MARCHF8: variants seen among roughly 807,000 people sequenced by gnomAD.
MARCHF8 encodes membrane associated ring-CH-type finger 8, also known as E3 ubiquitin-protein ligase MARCHF8.
A neutral mutation model predicts 51.6 loss-of-function variants in MARCHF8; 40 were observed. That is an observed-to-expected ratio of 0.77 (90% confidence interval 0.60 to 1.01). The LOEUF is 1.01. Among genes scored for constraint, MARCHF8 ranks in the 50% least tolerant of loss-of-function variants. MARCHF8 has a pLI of 0.00. For synonymous variants in MARCHF8, 263 were observed against 280.3 expected (o/e 0.94, Z 0.62); for missense variants, 685 against 708.6 (o/e 0.97, Z 0.38).
At chr10:45,473,658 C>T (rs1251868252) in intron 3 of MARCHF8, among the ~76,000 whole-genome samples, 1 of 152,204 alleles carries the variant, frequency 6.6e-6, no homozygotes, top group African/African-American at 2.4e-5. Flanking sequence ...TAGGCCAATT[C>T]CTGGTATTAA....
chr10:45,509,085 G>A lies in MARCHF8; in HGVS notation c.103-19668C>T, dbSNP rs1453358009. The stretch of plus-strand genomic sequence containing the variant: ...TCAGAACCCCATGGAAAAGGGCTAT[G>A]CCAGGTACTTTGGGGCACAGGCTTC... On this transcript the variant is annotated intron_variant, in intron 2 of 7. Coordinates refer to ENST00000453424, the MANE Select transcript of MARCHF8 (RefSeq NM_001282866.2). Among the ~76,000 whole-genome samples the A allele has an allele frequency of 2.0e-5, 3 of 152,198 alleles. No individual in the cohort carries two copies. In the East Asian group the frequency reaches 5.8e-4, roughly 29 times the overall value.
chr10:45,546,959 G>C (rs1031395790), intron 1 of MARCHF8, among the ~76,000 whole-genome samples: 6 of 152,066 alleles, frequency 3.9e-5, no homozygotes, highest in Non-Finnish European at 8.8e-5. Context: ...GCAGTGGCTT[G>C]TATCTGTAGT....
At chr10:45,560,553 T>G (rs1293131231) in intron 1 of MARCHF8, among the ~76,000 whole-genome samples, 1 of 152,198 alleles carries the variant, frequency 6.6e-6, no homozygotes, top group African/African-American at 2.4e-5. Context: ...CAGTGCCAGC[T>G]TGTCAAGGCC....
chr10:45,529,955 G>A (rs917629499), intron 2 of MARCHF8, among the ~76,000 whole-genome samples: 2 of 152,184 alleles, frequency 1.3e-5, no homozygotes, highest in African/African-American at 4.8e-5. Context: ...CAAAGGGAAA[G>A]AAATCATTAT....
At position 45,469,640 on chromosome 10, in the gene MARCHF8, C is replaced by T. The variant is rs568586197; in HGVS notation, c.154-5313G>A. On this transcript the variant is annotated intron_variant, in intron 3 of 7. Transcript: ENST00000453424. The stretch of plus-strand genomic sequence containing the variant: ...CAGCACTTTGGGGGGCCGAGGCGGG[C>T]GGATCACGAGGTCAGGAGATCGAGA... Among the ~76,000 whole-genome samples, 11 of 151,928 alleles carry T rather than the reference C, an allele frequency of 7.2e-5. No homozygotes were observed. In the East Asian group the frequency reaches 7.8e-4, roughly 11 times the overall value.
chr10:45,524,440 A>G (rs1304012379), intron 2 of MARCHF8, among the ~76,000 whole-genome samples: 3 of 152,236 alleles, frequency 2.0e-5, no homozygotes, highest in Non-Finnish European at 4.4e-5. Flanking sequence ...TGACAAAGAA[A>G]TTCTGGTTTC....
intron 1 of MARCHF8, among the ~76,000 whole-genome samples, chr10:45,562,658 G>T (rs2044323218): frequency 6.6e-6 from 1 of 151,894 alleles, no homozygotes; most frequent in Non-Finnish European, 1.5e-5. Flanking sequence ...TTAAAAAAAA[G>T]AAACTTCAAA....
intron 2 of MARCHF8, among the ~76,000 whole-genome samples, chr10:45,525,964 T>A (rs759496331): frequency 6.6e-6 from 1 of 152,132 alleles, no homozygotes; most frequent in Non-Finnish European, 1.5e-5. Flanking sequence ...AGAGATGAGA[T>A]CCTGGAACAC....
intron 1 of MARCHF8, among the ~76,000 whole-genome samples, chr10:45,578,862 G>A (rs1480594781): frequency 2.0e-5 from 3 of 152,144 alleles, no homozygotes; most frequent in Non-Finnish European, 4.4e-5. Flanking sequence ...AAAAATAACT[G>A]ATCTGTACTC....
Position 45,463,883 on chromosome 10 carries a change from A to G in MARCHF8, c.356T>C (p.Ile119Thr), listed in dbSNP as rs779676644. The stretch of plus-strand genomic sequence containing the variant: ...TGACGCCTGTAATGTGTCCTTACAG[A>G]TAACTGTCACAGTGAGCCCTTGTGT... ...SLTQGLTVTV[I>T]CKDTLQASKR... Residue 119 changes from isoleucine (I) to threonine (T), a missense_variant, in exon 5 of 8, where the codon ATC (isoleucine) becomes ACC (threonine). Physicochemically the swap from Ile to Thr is moderately conservative, Grantham distance 89 (BLOSUM62 -1). Coordinates refer to ENST00000453424, the MANE Select transcript of MARCHF8 (RefSeq NM_001282866.2). The G allele has an allele frequency of 3.1e-5, 47 of 1,537,384 alleles. No individual in the cohort carries two copies. In the South Asian group the frequency reaches 3.3e-4, roughly 11 times the overall value.
chr10:45,521,060 AT>A (rs2043697884), intron 2 of MARCHF8, among the ~76,000 whole-genome samples: 1 of 151,852 alleles, frequency 6.6e-6, no homozygotes, highest in Non-Finnish European at 1.5e-5. Context: ...ATTACGTTAC[AT>A]TTTTTAGAAA....
At position 45,489,416 on chromosome 10, in the gene MARCHF8, T is replaced by C. The variant is rs1315369646; in HGVS notation, c.104A>G (p.Asn35Ser). The C allele has an allele frequency of 6.2e-7, 1 of 1,611,446 alleles. No homozygotes were observed. The highest frequency in any genetic ancestry group is 8.5e-7 in the Non-Finnish European group (1 of 1,178,868). Residue 35 changes from asparagine (N) to serine (S), a missense_variant and splice_region_variant, in exon 3 of 8, where the codon AAT (asparagine) becomes AGT (serine). Asn to Ser is a conservative substitution (Grantham distance 46, BLOSUM62 1). Transcript: ENST00000453424. ...KTKEKEREEQ[N>S]EKTLGHFMSH... ...CATGAAATGTCCCAAAGTCTTCTCA[T>C]TCTGCAAGAAAATCAAACAGGTTTT...
At chr10:45,491,509 A>T (rs140493052) in intron 2 of MARCHF8, among the ~76,000 whole-genome samples, 1 of 152,326 alleles carries the variant, frequency 6.6e-6, no homozygotes, top group East Asian at 1.9e-4. Flanking sequence ...ACTGCACTGC[A>T]TTCCAGCCTG....
intron 1 of MARCHF8, among the ~76,000 whole-genome samples, chr10:45,561,939 A>C (rs138321682): frequency 0.025 from 3,809 of 151,832 alleles, 96 homozygotes; most frequent in Non-Finnish European, 0.039. Flanking sequence ...TAAAATGAGC[A>C]AACAACAAAG....
chr10:45,463,612 AG>A lies in MARCHF8; in HGVS notation c.626del (p.Pro209LeufsTer61). The A allele has an allele frequency of 6.4e-7, 1 of 1,550,630 alleles. No individual in the cohort carries two copies. The highest frequency in any genetic ancestry group is 1.2e-5 in the South Asian group (1 of 84,066). ...HKEKRTLNHK[P>X]LGNSKHSCVS... ...CACAAGAATGTTTGGAATTGCCAAG[AG>A]GTTTGTGGTTCAGGGTTCTTTTTTC... On this transcript the variant is annotated frameshift_variant, in exon 5 of 8. Coordinates refer to ENST00000453424, the MANE Select transcript of MARCHF8 (RefSeq NM_001282866.2). LOFTEE classifies it high-confidence loss of function.
At chr10:45,544,895 T>TC (rs2044100866) in intron 1 of MARCHF8, among the ~76,000 whole-genome samples, 1 of 152,168 alleles carries the variant, frequency 6.6e-6, no homozygotes, top group African/African-American at 2.4e-5. Flanking sequence ...ATGTTATCTA[T>TC]CCCACCTCAT....
Position 45,463,562 on chromosome 10 carries a change from G to T in MARCHF8, c.677C>A (p.Ser226Ter). Reference sequence around the variant, plus strand: ...GCCAGCTTCCACCTCTGAGGCAGTTGAGCGACCGGCAGAAAGGCATGAAAC... The same window carrying T: ...GCCAGCTTCCACCTCTGAGGCAGTTTAGCGACCGGCAGAAAGGCATGAAAC... ...SCVSCLSAGR[S>*]TASEVEAGKG... is the part of the protein sequence containing the mutation. Residue 226 changes from serine to a stop codon, truncating the protein, a stop_gained, in exon 5 of 8, where the codon TCA becomes TAA. Transcript: ENST00000453424. LOFTEE classifies it high-confidence loss of function. 1.3e-6 allele frequency: 2 copies of T among 1,550,670 alleles called. No individual in the cohort carries two copies. The highest frequency in any genetic ancestry group is 1.7e-6 in the Non-Finnish European group (2 of 1,147,020).
intron 1 of MARCHF8, among the ~76,000 whole-genome samples, chr10:45,590,877 T>C (rs1279808138): frequency 3.3e-5 from 5 of 152,170 alleles, no homozygotes; most frequent in Admixed American, 6.5e-5. Context: ...GACCTGCACT[T>C]ATACATCCAG....
At chr10:45,540,219 C>T (rs2044030972), upstream of MARCHF8, among the ~76,000 whole-genome samples, 1 of 152,238 alleles carries the variant, frequency 6.6e-6, no homozygotes, top group East Asian at 1.9e-4. Flanking sequence ...TCATATGGAA[C>T]CAAAAAAGAG....
Sources: allele counts gnomAD v4.1 joint callset (sites outside exome capture counted in the v4.1 genomes callset), GRCh38; gene constraint gnomAD v4.1.1; transcripts MANE v1.5; gene names NCBI Gene and HGNC (gene_info 2026-07-23, HGNC 2026-07-21).